The following CHD6 variants were observed in gnomAD, a reference collection of about 807,000 sequenced individuals.
The protein encoded by CHD6 is chromodomain helicase DNA binding protein 6.
In CHD6, 50 loss-of-function variants were observed where a neutral mutation model predicts 276.9. The ratio of observed to expected loss-of-function variants is 0.18; its 90% CI spans 0.14 to 0.23. CHD6 has a LOEUF of 0.23. Ranked by LOEUF, CHD6 falls within the 10% of genes least tolerant of loss-of-function variation. The pLI is 1.00. For synonymous variants in CHD6, 1,173 were observed against 1,229.3 expected, an observed-to-expected ratio of 0.95 and a Z score of 0.96; for missense variants, 2,564 against 3,365.8, an observed-to-expected ratio of 0.76 and a Z score of 5.89.
chr20:41,408,831 G>A (rs993319693), intron 36 of CHD6, among the ~76,000 whole-genome samples: 8 of 152,224 alleles, frequency 5.3e-5, no homozygotes, highest in Non-Finnish European at 1.0e-4. Context: ...TTCTTTTCAA[G>A]CAATCTGCTA....
At chr20:41,482,227 G>A (rs1485638196) in intron 16 of CHD6, among the ~76,000 whole-genome samples, 1 of 152,032 alleles carries the variant, frequency 6.6e-6, no homozygotes, top group Non-Finnish European at 1.5e-5. Flanking sequence ...AAATGCTCTG[G>A]CAATAGGCTC....
chr20:41,412,586 T>C (rs751877721), intron 35 of CHD6, among the ~76,000 whole-genome samples: 4 of 152,216 alleles, frequency 2.6e-5, no homozygotes, highest in Non-Finnish European at 5.9e-5. Context: ...TGCATTCTCT[T>C]GTCACTGCTA....
chr20:41,412,383 G>A, intron 35 of CHD6, 120 bp from the exon 36 acceptor site: 4 of 1,189,328 alleles, frequency 3.4e-6, no homozygotes, highest in Non-Finnish European at 1.2e-6. Context: ...CACAGGAGCT[G>A]GCCAGGTTAA....
intron 14 of CHD6, 109 bp from the exon 15 acceptor site, chr20:41,484,716 G>A: frequency 8.9e-7 from 1 of 1,129,260 alleles, no homozygotes; most frequent in Non-Finnish European, 1.3e-6. Context: ...TAGTACTGTG[G>A]TAGTAGACTA....
chr20:41,609,257 C>T (rs2045860692), intron 1 of CHD6, among the ~76,000 whole-genome samples: 1 of 152,056 alleles, frequency 6.6e-6, no homozygotes, highest in Non-Finnish European at 1.5e-5. Flanking sequence ...GCCTGGGCAA[C>T]GTAAGAGACC....
At chr20:41,414,730 G>C (rs2046942055) in intron 34 of CHD6, 1 of 669,908 alleles carries the variant, frequency 1.5e-6, no homozygotes, top group Non-Finnish European at 1.9e-6. Flanking sequence ...AGCAAAGTGA[G>C]TCTCAGTTGT....
rs1456321740 is a variant in CHD6 at position 41,404,154 on chromosome 20, TG to T, written c.*438del. The T allele has an allele frequency of 1.1e-5, 12 of 1,060,374 alleles. No homozygotes were observed. The South Asian group carries it at 4.1e-4, about 36-fold the overall frequency. 65.7% of individuals were successfully genotyped at this position (1,060,374 alleles called of 1,614,324 possible). A position where few individuals can be genotyped will look rare whatever the true frequency, so the allele number is the denominator to read the frequency against. ...CAGCACTTCCTTTTTCTGTGCTTTT[TG>T]GTTCCCTGTGACATTCTTCCTGTGC... On this transcript the variant is annotated 3_prime_UTR_variant, in exon 37 of 37. Transcript: ENST00000373233.
intron 31 of CHD6, among the ~76,000 whole-genome samples, chr20:41,419,052 G>A (rs2047094809): frequency 6.6e-6 from 1 of 152,150 alleles, no homozygotes; most frequent in African/African-American, 2.4e-5. Flanking sequence ...AGCAATGTGG[G>A]TTTTATAATT....
At chr20:41,547,086 G>A (rs1368793611) in intron 2 of CHD6, among the ~76,000 whole-genome samples, 1 of 152,216 alleles carries the variant, frequency 6.6e-6, no homozygotes, top group African/African-American at 2.4e-5. Flanking sequence ...CTCCAGGGAA[G>A]AGGAAAGTGA....
rs562287808 is a variant in CHD6, at chr20:41,538,287, G to T, written c.34-4717C>A. On this transcript the variant is annotated intron_variant, in intron 2 of 36. Transcript: ENST00000373233. ...AATTGCTTGAACTTGGGAGGCGGAG[G>T]TTGCAGTGAGCTGAGATCGCGCCAC... Among the ~76,000 whole-genome samples, 4 of 152,198 alleles carry T rather than the reference G, an allele frequency of 2.6e-5. No individual in the cohort carries two copies. In the East Asian group the frequency reaches 7.7e-4, roughly 29 times the overall value.
chr20:41,448,237 A>G (rs546635291), intron 23 of CHD6, among the ~76,000 whole-genome samples: 1 of 152,314 alleles, frequency 6.6e-6, no homozygotes, highest in African/African-American at 2.4e-5. Flanking sequence ...AGCTCTTCTC[A>G]TCTTTAAGAG....
At chr20:41,435,232 CAG>C (rs1320660998) in intron 27 of CHD6, among the ~76,000 whole-genome samples, 2 of 152,058 alleles carry the variant, frequency 1.3e-5, no homozygotes, top group African/African-American at 4.8e-5. Context: ...GGGAAATTTA[CAG>C]CACTAAATGC....
intron 11 of CHD6, among the ~76,000 whole-genome samples, chr20:41,491,325 AAT>A (rs531194020): frequency 5.4e-5 from 8 of 147,076 alleles, no homozygotes; most frequent in African/African-American, 1.5e-4. Flanking sequence ...TATTCCTATA[AAT>A]ATATATATAT....
intron 1 of CHD6, among the ~76,000 whole-genome samples, chr20:41,578,906 G>T (rs1488131469): frequency 6.6e-6 from 1 of 151,404 alleles, no homozygotes; most frequent in Admixed American, 6.6e-5. Flanking sequence ...AAGGCAGGTG[G>T]ATCACCTGAG....
At chr20:41,586,973 A>G (rs1326949046) in intron 1 of CHD6, among the ~76,000 whole-genome samples, 4 of 152,214 alleles carry the variant, frequency 2.6e-5, no homozygotes, top group South Asian at 2.1e-4. Flanking sequence ...AGCCAGTGCA[A>G]TAAGACAAGA....
rs755783441 is a variant in CHD6, at chr20:41,452,705, CAAT to C, written c.3323+32_3323+34del. The C allele has an allele frequency of 1.9e-6, 3 of 1,581,712 alleles. No homozygotes were observed. The highest frequency in any genetic ancestry group is 2.6e-6 in the Non-Finnish European group (3 of 1,156,602). ...CTGAAAAACAGAGGGGAACAAACAACAATAACAACAAAACTAAGCAGAGCCAAT... is the reference window on the plus strand; with the variant it reads ...CTGAAAAACAGAGGGGAACAAACAACAACAACAAAACTAAGCAGAGCCAAT... On this transcript the variant is annotated intron_variant, in intron 21 of 36. Transcript: ENST00000373233. The surrounding 1 kb of genome is among the most constrained non-coding windows in gnomAD (Gnocchi z 4.2).
chr20:41,601,698 T>C (rs2045775097), intron 1 of CHD6, among the ~76,000 whole-genome samples: 1 of 152,208 alleles, frequency 6.6e-6, no homozygotes, highest in South Asian at 2.1e-4. Context: ...ACAAGTTACT[T>C]TACCTCCCTG....
At chr20:41,413,629 T>C (rs1429023161) in intron 34 of CHD6, 114 bp from the exon 35 acceptor site, 2 of 915,068 alleles carry the variant, frequency 2.2e-6, no homozygotes, top group Admixed American at 3.0e-5. Flanking sequence ...CACCCTGATA[T>C]TACTCAGCTG....
rs1407055921 is a variant in CHD6, at chr20:41,446,907, G to GT, written c.3773+974dup. ...CTATGACTTCCTACACATGACAGCGGTAAGTTCAGAGTACTTCTGCCAGGT... is the reference window on the plus strand; with the variant it reads ...CTATGACTTCCTACACATGACAGCGGTTAAGTTCAGAGTACTTCTGCCAGGT... On this transcript the variant is annotated intron_variant, in intron 24 of 36. Transcript: ENST00000373233. 7.9e-5 allele frequency among the ~76,000 whole-genome samples: 12 copies of GT among 152,330 alleles called. No homozygotes were observed. The South Asian group carries it at 1.7e-3, about 21-fold the overall frequency.
Sources: gnomAD v4.1 joint callset for allele counts (sites outside exome capture counted in the v4.1 genomes callset) on GRCh38, gnomAD v4.1.1 for gene constraint, Gnocchi (gnomAD v3.1) non-coding constraint, MANE v1.5 for transcripts, NCBI Gene and HGNC (gene_info 2026-07-23, HGNC 2026-07-21) for gene names.